CILK1: variants seen among roughly 807,000 people sequenced by gnomAD.
The protein encoded by CILK1 is ciliogenesis associated kinase 1, also known as serine/threonine-protein kinase ICK.
Under a neutral mutation model 79.2 loss-of-function variants are expected in CILK1, and 47 were observed. The observed-to-expected ratio is 0.59, with a 90% CI of 0.47 to 0.76. The LOEUF (loss-of-function observed/expected upper bound fraction) is 0.76. Ranked by LOEUF, CILK1 falls within the 30% of genes least tolerant of loss-of-function variation. The probability of loss-of-function intolerance (pLI) is 0.00; values close to 1 mark genes in which losing one functional copy is unlikely to be tolerated. For missense variants in CILK1, 660 were observed against 769.5 expected, an observed-to-expected ratio of 0.86 and a Z score of 1.68; for synonymous variants, 266 against 275.9, an observed-to-expected ratio of 0.96 and a Z score of 0.36.
intron 1 of CILK1, among the ~76,000 whole-genome samples, chr6:53,054,063 G>A (rs1767671195): frequency 6.6e-6 from 1 of 152,182 alleles, no homozygotes; most frequent in African/African-American, 2.4e-5. Context: ...AGAAGACAGT[G>A]CCACCGAAGG....
intron 5 of CILK1, among the ~76,000 whole-genome samples, chr6:53,025,995 T>C (rs529782121): frequency 2.0e-5 from 3 of 152,328 alleles, no homozygotes; most frequent in East Asian, 1.9e-4. Context: ...ACCAGCCAAG[T>C]TGCCTGATTT....
In CILK1 at chr6:53,019,293, G is replaced by A. The variant is rs1448681289; in HGVS notation, c.425C>T (p.Ala142Val). 2 of 1,613,804 alleles carry A rather than the reference G, an allele frequency of 1.2e-6. No homozygotes were observed. The highest frequency in any genetic ancestry group is 1.7e-6 in the Non-Finnish European group (2 of 1,179,826). ...LCMGPELVKIADFGLAREIRS... is the reference protein window; with the variant it reads ...LCMGPELVKIVDFGLAREIRS... ...TATTTCTCGGGCCAAACCAAAGTCT[G>A]CAATTTTCACAAGTTCTGGTCCCAT... Residue 142 changes from alanine (A) to valine (V), a missense_variant, in exon 6 of 14, where the codon GCA becomes GTA. Coordinates refer to ENST00000676107, the MANE Select transcript of CILK1 (RefSeq NM_014920.5).
chr6:53,030,866 C>T lies in CILK1; in HGVS notation c.358+199G>A, dbSNP rs1013826982. On this transcript the variant is annotated intron_variant, in intron 5 of 13. Coordinates refer to ENST00000676107, the MANE Select transcript of CILK1 (RefSeq NM_014920.5). ...AATGTTAAAGCCTACAGAATAAAAA[C>T]ATGCAGACACAATAAGTAATGAGGG... 2.6e-5 allele frequency among the ~76,000 whole-genome samples: 4 copies of T among 152,208 alleles called. No homozygotes were observed. The East Asian group carries it at 5.8e-4, about 22-fold the overall frequency.
Position 53,006,338 on chromosome 6 carries a change from G to C in CILK1, c.1721C>G (p.Ala574Gly), listed in dbSNP as rs1431273440. The C allele has an allele frequency of 6.2e-7, 1 of 1,613,848 alleles. No individual in the cohort carries two copies. Among genetic ancestry groups the C allele is most frequent in the South Asian group, 1.1e-5 (1 of 91,078 alleles). The change falls in exon 13 of 14, where the codon GCA becomes GGA. Residue 574 changes from alanine to glycine, a missense_variant. Physicochemically the swap from Ala to Gly is moderately conservative, Grantham distance 60. Coordinates refer to ENST00000676107, the MANE Select transcript of CILK1 (RefSeq NM_014920.5). ...ACCAGGGGAAGGGTCTGGAATAGGT[G>C]CTAGGTGTACCCTCTGCATAGCAGA... ...IGSAMQRVHL[A>G]PIPDPSPGYS...
In CILK1 at chr6:53,002,740, G is replaced by A. The variant is rs934735055; in HGVS notation, c.*2409C>T. The A allele has an allele frequency of 8.5e-4, 130 of 152,258 alleles. No homozygotes were observed. The highest frequency in any genetic ancestry group is 3.0e-3 in the African/African-American group (124 of 41,548). 9.4% of individuals were successfully genotyped at this position (152,258 alleles called of 1,614,324 possible). A position where few individuals can be genotyped will look rare whatever the true frequency, so the allele number is the denominator to read the frequency against. On this transcript the variant is annotated 3_prime_UTR_variant, in exon 14 of 14. Coordinates refer to ENST00000676107, the MANE Select transcript of CILK1 (RefSeq NM_014920.5). ...TGTGTTTGGCTTCCCCAGGGAAGTT[G>A]CTTGCTGGTAAACAAACGAAAGCAT...
chr6:53,041,022 T>C lies in CILK1; in HGVS notation c.101+114A>G, dbSNP rs1766670675. The C allele has an allele frequency of 2.6e-6, 2 of 770,434 alleles. No homozygotes were observed. The highest frequency in any genetic ancestry group is 5.0e-5 in the East Asian group (2 of 40,220). 47.7% of individuals were successfully genotyped at this position (770,434 alleles called of 1,614,324 possible). A position where few individuals can be genotyped will look rare whatever the true frequency, so the allele number is the denominator to read the frequency against. Reference sequence around the variant, plus strand: ...ATAATCATCTAACCCACAGCAATCATTATCTAAGGTTCTTCTCTAGGCATC... The same window carrying C: ...ATAATCATCTAACCCACAGCAATCACTATCTAAGGTTCTTCTCTAGGCATC... On this transcript the variant is annotated intron_variant, in intron 2 of 13. Transcript: ENST00000676107.
intron 1 of CILK1, among the ~76,000 whole-genome samples, chr6:53,057,488 G>A (rs1471291716): frequency 6.6e-6 from 1 of 152,146 alleles, no homozygotes; most frequent in Non-Finnish European, 1.5e-5. Context: ...ACAAGTTCAC[G>A]CAGATAGTTA....
intron 3 of CILK1, among the ~76,000 whole-genome samples, chr6:53,036,205 C>T (rs1004562982): frequency 2.0e-5 from 3 of 152,206 alleles, no homozygotes; most frequent in Non-Finnish European, 4.4e-5. Context: ...GGTTTAACAT[C>T]CAAGCCATGG....
chr6:53,030,675 A>G (rs1414828275), intron 5 of CILK1, among the ~76,000 whole-genome samples: 2 of 152,228 alleles, frequency 1.3e-5, no homozygotes, highest in Admixed American at 1.3e-4. Context: ...CTCGCTTGAA[A>G]CAAGTTGAAA....
chr6:53,040,408 T>C (rs1766622691), intron 2 of CILK1, among the ~76,000 whole-genome samples: 1 of 152,246 alleles, frequency 6.6e-6, no homozygotes, highest in African/African-American at 2.4e-5. Context: ...GATGCCCACA[T>C]GGCAAGGAAC....
intron 1 of CILK1, among the ~76,000 whole-genome samples, chr6:53,058,118 AT>A (rs1439078695): frequency 1.3e-5 from 2 of 152,212 alleles, no homozygotes; most frequent in African/African-American, 4.8e-5. Context: ...ATGTGCAAAG[AT>A]AGTTCAGTTT....
At chr6:53,034,577 G>A (rs1361438188) in intron 3 of CILK1, among the ~76,000 whole-genome samples, 1 of 152,106 alleles carries the variant, frequency 6.6e-6, no homozygotes, top group African/African-American at 2.4e-5. Flanking sequence ...CTTTCAGTTG[G>A]ATATTACCAA....
intron 1 of CILK1, 146 bp from the exon 2 acceptor site, chr6:53,041,554 T>C (rs1371942285): frequency 2.7e-6 from 1 of 372,122 alleles, no homozygotes; most frequent in African/African-American, 2.1e-5. Context: ...CAGAGCTGAA[T>C]AGTTGTGTGA....
chr6:53,015,487 G>A (rs555473449), intron 8 of CILK1, among the ~76,000 whole-genome samples: 3 of 152,180 alleles, frequency 2.0e-5, no homozygotes, highest in African/African-American at 7.2e-5. Flanking sequence ...TGAGTGATTA[G>A]AGCAAATTGC....
At position 53,019,248 on chromosome 6, in the gene CILK1, G is replaced by C. The variant is rs752440530; in HGVS notation, c.470C>G (p.Thr157Arg). 5.0e-6 allele frequency: 8 copies of C among 1,613,866 alleles called. No individual in the cohort carries two copies. Among genetic ancestry groups the C allele is most frequent in the Non-Finnish European group, 5.1e-6 (6 of 1,179,796 alleles). ...TCACCATCTGGTAGATACATAATCT[G>C]TATATGGAGGTTTTGATCGTATTTC... is the stretch of plus-strand genomic sequence containing the variant. ...AREIRSKPPY[T>R]DYVSTRWYRA... Residue 157 changes from threonine to arginine, a missense_variant, in exon 6 of 14, where the codon ACA becomes AGA. Thr to Arg is a moderately conservative substitution (Grantham distance 71, BLOSUM62 -1). Coordinates refer to ENST00000676107, the MANE Select transcript of CILK1 (RefSeq NM_014920.5).
chr6:53,017,724 G>A (rs557137167), intron 7 of CILK1, among the ~76,000 whole-genome samples: 95 of 152,284 alleles, frequency 6.2e-4, no homozygotes, highest in African/African-American at 2.1e-3. Flanking sequence ...CAGTGGACTT[G>A]AAGGAACAAG....
At position 53,055,877 on chromosome 6, in the gene CILK1, T is replaced by A. The variant is rs1418904290; in HGVS notation, c.-173+5719A>T. Among the ~76,000 whole-genome samples, 3 of 151,958 alleles carry A rather than the reference T, an allele frequency of 2.0e-5. No individual in the cohort carries two copies. In the East Asian group the frequency reaches 5.8e-4, roughly 29 times the overall value. The stretch of plus-strand genomic sequence containing the variant: ...GCGAAATGTTAAAAAAAATAAAAAA[T>A]AAAAAAACAGCCAGAAAAACAAACC... On this transcript the variant is annotated intron_variant, in intron 1 of 13. Coordinates refer to ENST00000676107, the MANE Select transcript of CILK1 (RefSeq NM_014920.5).
chr6:53,029,943 C>T (rs1427867068), intron 5 of CILK1, among the ~76,000 whole-genome samples: 2 of 152,174 alleles, frequency 1.3e-5, no homozygotes, highest in Non-Finnish European at 2.9e-5. Context: ...TCTGGCCCAC[C>T]TGTGGATACG....
chr6:53,012,378 T>C (rs1335874838), intron 9 of CILK1, 151 bp from the exon 10 acceptor site: 1 of 711,326 alleles, frequency 1.4e-6, no homozygotes, highest in African/African-American at 1.7e-5. Flanking sequence ...GAAAACACAT[T>C]CCCAATCTTT....
Sources: gnomAD v4.1 joint callset for allele counts (sites outside exome capture counted in the v4.1 genomes callset) on GRCh38, gnomAD v4.1.1 for gene constraint, MANE v1.5 for transcripts, NCBI Gene and HGNC (gene_info 2026-07-23, HGNC 2026-07-21) for gene names.